The following MAP1A variants were observed in gnomAD, a reference collection of about 807,000 sequenced individuals.
MAP1A encodes the protein microtubule-associated protein 1A.
Under a neutral mutation model 185.9 loss-of-function variants are expected in MAP1A, and 42 were observed. That is an observed-to-expected ratio of 0.23 (90% confidence interval 0.18 to 0.29). The LOEUF (loss-of-function observed/expected upper bound fraction) is 0.29. Ranked by LOEUF, MAP1A falls within the 10% of genes least tolerant of loss-of-function variation. The pLI, the probability that MAP1A is intolerant of heterozygous loss-of-function variation, is 1.00. For missense variants in MAP1A, 2,995 were observed against 3,450.4 expected (o/e 0.87, Z 3.31); for synonymous variants, 1,229 against 1,335.9 (o/e 0.92, Z 1.74).
In MAP1A at chr15:43,528,592, C is replaced by T. The variant is rs1462268268; in HGVS notation, c.7119C>T (p.Ala2373=). ...TETSPNPPGP[A]PAKAENEEAA... ...CCAGCCCTAACCCCCCAGGCCCTGC[C>T]CCAGCCAAGGCTGAAAATGAAGAGG... Residue 2373 remains alanine, a synonymous_variant, in exon 4 of 6, where the codon GCC becomes GCT. Coordinates refer to ENST00000300231, the MANE Select transcript of MAP1A (RefSeq NM_002373.6). 1.2e-6 allele frequency: 2 copies of T among 1,614,032 alleles called. No homozygotes were observed. The highest frequency in any genetic ancestry group is 1.7e-5 in the Admixed American group (1 of 60,036).
chr15:43,512,323 G>C, intron 2 of MAP1A: 3 of 1,420,488 alleles, frequency 2.1e-6, no homozygotes, highest in Non-Finnish European at 2.9e-6. Flanking sequence ...CAGTCCTTTG[G>C]GTAAGAGCTG....
upstream of MAP1A, among the ~76,000 whole-genome samples, chr15:43,513,879 T>C (rs1309791185): frequency 6.6e-6 from 1 of 152,230 alleles, no homozygotes; most frequent in Non-Finnish European, 1.5e-5. Flanking sequence ...ATGAAATTAA[T>C]GACTGAACAG....
rs1180099692 is a variant in MAP1A at position 43,525,307 on chromosome 15, C to T, written c.3834C>T (p.Asp1278=). The T allele has an allele frequency of 6.2e-6, 10 of 1,614,078 alleles. No homozygotes were observed. Among genetic ancestry groups the T allele is most frequent in the Non-Finnish European group, 8.5e-6 (10 of 1,180,048 alleles). ...DGTTRYSAQT[D]ITDDSLDRKS... is the part of the protein sequence containing the mutation. ...CAACTCGATACTCTGCACAGACAGACATCACAGATGACAGCCTTGACAGGA... is the reference window on the plus strand; with the variant it reads ...CAACTCGATACTCTGCACAGACAGATATCACAGATGACAGCCTTGACAGGA... The change falls in exon 4 of 6, where the codon GAC becomes GAT. Residue 1278 remains aspartate (D), a synonymous_variant. Transcript: ENST00000300231.
chr15:43,511,290 C>A, intron 1 of MAP1A: 2 of 1,287,670 alleles, frequency 1.6e-6, no homozygotes, highest in South Asian at 1.3e-5. Flanking sequence ...CTTCTGCATT[C>A]AACTACCAAT....
rs201384118 is a variant in MAP1A, at chr15:43,524,434, A to C, written c.2961A>C (p.Pro987=). The part of the protein sequence containing the change: ...LGEAEERCLS[P]DDSTVKMASP... ...AAGCAGAGGAGCGGTGCCTTAGCCCAGATGACAGCACAGTGAAGATGGCTT... is the reference window on the plus strand; with the variant it reads ...AAGCAGAGGAGCGGTGCCTTAGCCCCGATGACAGCACAGTGAAGATGGCTT... The change falls in exon 4 of 6, where the codon CCA becomes CCC. Residue 987 remains proline, a synonymous_variant. Transcript: ENST00000300231. 11 of 1,614,092 alleles carry C rather than the reference A, an allele frequency of 6.8e-6. No individual in the cohort carries two copies. Among genetic ancestry groups the C allele is most frequent in the Non-Finnish European group, 9.3e-6 (11 of 1,180,038 alleles).
chr15:43,519,967 A>C (rs1046407823), intron 1 of MAP1A, among the ~76,000 whole-genome samples: 3 of 152,220 alleles, frequency 2.0e-5, no homozygotes, highest in African/African-American at 7.2e-5. Flanking sequence ...AGCAGGAACA[A>C]TATGATTGTG....
At position 43,528,816 on chromosome 15, in the gene MAP1A, T is replaced by C; in HGVS notation, c.7343T>C (p.Leu2448Pro). The change falls in exon 4 of 6, where the codon CTC (leucine) becomes CCC (proline). Residue 2448 changes from leucine (L) to proline (P), a missense_variant. Physicochemically the swap from Leu to Pro is moderately conservative, Grantham distance 98 (BLOSUM62 -3). Coordinates refer to ENST00000300231, the MANE Select transcript of MAP1A (RefSeq NM_002373.6). ...ATEPRPHRGE[L>P]SPSFLNPPLP... is the part of the protein sequence containing the mutation. Reference sequence around the variant, plus strand: ...GAGCCTCGGCCCCATCGTGGGGAGCTCTCCCCATCCTTCCTGAACCCACCT... The same window carrying C: ...GAGCCTCGGCCCCATCGTGGGGAGCCCTCCCCATCCTTCCTGAACCCACCT... The C allele has an allele frequency of 6.2e-7, 1 of 1,613,084 alleles. No individual in the cohort carries two copies. The highest frequency in any genetic ancestry group is 8.5e-7 in the Non-Finnish European group (1 of 1,179,848).
In MAP1A at chr15:43,527,838, C is replaced by G. The variant is rs758654861; in HGVS notation, c.6365C>G (p.Ala2122Gly). Residue 2122 changes from alanine to glycine, a missense_variant, in exon 4 of 6, where the codon GCC becomes GGC. Ala to Gly is a moderately conservative substitution (Grantham distance 60, BLOSUM62 0). Around this residue, in one of 3 missense-constraint regions of MAP1A, gnomAD observed 2,728 missense variants for 2,986.0 expected, o/e 0.91. Coordinates refer to ENST00000300231, the MANE Select transcript of MAP1A (RefSeq NM_002373.6). ...GCTCGGGAACAGCCAGAAAAAGAGG[C>G]CCAATCCCCAAGTCCTCCTCACCCC... is the stretch of plus-strand genomic sequence containing the variant. ...KGAREQPEKE[A>G]QSPSPPHPIP... The G allele has an allele frequency of 6.8e-5, 109 of 1,613,966 alleles. 1 individual carries two copies. In the South Asian group the frequency reaches 1.0e-3, roughly 15 times the overall value.
chr15:43,528,577 C>T lies in MAP1A; in HGVS notation c.7104C>T (p.Asn2368=), dbSNP rs561219457. 7 of 1,613,766 alleles carry T rather than the reference C, an allele frequency of 4.3e-6. No individual in the cohort carries two copies. The East Asian group carries it at 1.3e-4, about 31-fold the overall frequency. Residue 2368 remains asparagine, a synonymous_variant, in exon 4 of 6, where the codon AAC becomes AAT. Transcript: ENST00000300231. ...AANGPTETSP[N]PPGPAPAKAE... ...ATGGCCCAACTGAAACCAGCCCTAA[C>T]CCCCCAGGCCCTGCCCCAGCCAAGG...
Position 43,520,956 on chromosome 15 carries a change from C to A in MAP1A, c.-291-16C>A. 6.5e-7 allele frequency: 1 copy of A among 1,548,508 alleles called. No individual in the cohort carries two copies. The highest frequency in any genetic ancestry group is 1.2e-5 in the South Asian group (1 of 83,914). On this transcript the variant is annotated splice_polypyrimidine_tract_variant and intron_variant, in intron 2 of 5. Transcript: ENST00000300231. ...GATTTCCTATATCTGTGACCACTCCCCTTCTTCCATTCCAGGTTCATCATC... is the reference window on the plus strand; with the variant it reads ...GATTTCCTATATCTGTGACCACTCCACTTCTTCCATTCCAGGTTCATCATC...
chr15:43,526,453 G>A lies in MAP1A; in HGVS notation c.4980G>A (p.Pro1660=), dbSNP rs766073012. ...AAACATCTCCTACCAGAGAGGAGCCGGCTGGAGAACAGAAAGAGCTTGCCC... is the reference window on the plus strand; with the variant it reads ...AAACATCTCCTACCAGAGAGGAGCCAGCTGGAGAACAGAAAGAGCTTGCCC... ...WQETSPTREE[P]AGEQKELAPA... The change falls in exon 4 of 6, where the codon CCG becomes CCA. Residue 1660 remains proline, a synonymous_variant. Coordinates refer to ENST00000300231, the MANE Select transcript of MAP1A (RefSeq NM_002373.6). The surrounding 1 kb of genome is among the most constrained non-coding windows in gnomAD (Gnocchi z 4.7). 25 of 1,613,998 alleles carry A rather than the reference G, an allele frequency of 1.5e-5. No homozygotes were observed. Among genetic ancestry groups the A allele is most frequent in the East Asian group, 4.5e-5 (2 of 44,896 alleles).
Position 43,527,924 on chromosome 15 carries a change from G to T in MAP1A, c.6451G>T (p.Asp2151Tyr), listed in dbSNP as rs2079353028. The stretch of plus-strand genomic sequence containing the variant: ...TGAGGCACATGTTAGCCCTCCCTTG[G>T]ACTCACACCTGGGGCCTGCCCGACC... ...ETEAHVSPPL[D>Y]SHLGPARPSL... The change falls in exon 4 of 6, where the codon GAC becomes TAC. Residue 2151 changes from aspartate to tyrosine, a missense_variant. Around this residue, in one of 3 missense-constraint regions of MAP1A, gnomAD observed 2,728 missense variants for 2,986.0 expected, o/e 0.91. Transcript: ENST00000300231. 1 of 1,613,980 alleles carries T rather than the reference G, an allele frequency of 6.2e-7. No individual in the cohort carries two copies. Among genetic ancestry groups the T allele is most frequent in the Non-Finnish European group, 8.5e-7 (1 of 1,180,026 alleles).
In MAP1A at chr15:43,528,574, T is replaced by G. The variant is rs778073367; in HGVS notation, c.7101T>G (p.Pro2367=). Residue 2367 remains proline, a synonymous_variant, in exon 4 of 6, where the codon CCT becomes CCG. Transcript: ENST00000300231. The stretch of plus-strand genomic sequence containing the variant: ...CCAATGGCCCAACTGAAACCAGCCC[T>G]AACCCCCCAGGCCCTGCCCCAGCCA... ...CAANGPTETS[P]NPPGPAPAKA... is the part of the protein sequence containing the mutation. 3.1e-6 allele frequency: 5 copies of G among 1,613,792 alleles called. No individual in the cohort carries two copies. Among genetic ancestry groups the G allele is most frequent in the Admixed American group, 3.3e-5 (2 of 60,020 alleles).
chr15:43,530,473 T>C lies in MAP1A; in HGVS notation c.*249T>C, dbSNP rs2140212555. The C allele has an allele frequency of 1.9e-6, 1 of 513,810 alleles. No individual in the cohort carries two copies. The highest frequency in any genetic ancestry group is 3.5e-6 in the Non-Finnish European group (1 of 285,762). 31.8% of individuals were successfully genotyped at this position (513,810 alleles called of 1,614,324 possible). Reference sequence around the variant, plus strand: ...GGACAAATTAGAATAGGATAGCATCTGATGCCTGAGAACCCTCTCCTAGCA... The same window carrying C: ...GGACAAATTAGAATAGGATAGCATCCGATGCCTGAGAACCCTCTCCTAGCA... On this transcript the variant is annotated 3_prime_UTR_variant, in exon 6 of 6. Transcript: ENST00000300231.
rs1036407960 is a variant in MAP1A, at chr15:43,522,463, C to T, written c.990C>T (p.Ala330=). The T allele has an allele frequency of 8.1e-6, 13 of 1,613,838 alleles. No individual in the cohort carries two copies. Among genetic ancestry groups the T allele is most frequent in the Middle Eastern group, 1.6e-4 (1 of 6,084 alleles). ...KESLKATTKT[A]VSKLAKREEV... ...GCCTCAAAGCCACTACCAAGACGGCCGTGAGCAAGTTGGCCAAACGGGAGG... is the reference window on the plus strand; with the variant it reads ...GCCTCAAAGCCACTACCAAGACGGCTGTGAGCAAGTTGGCCAAACGGGAGG... Residue 330 remains alanine (A), a synonymous_variant, in exon 4 of 6, where the codon GCC becomes GCT. Transcript: ENST00000300231. This position sits in a 1 kb window ranked among gnomAD's most constrained non-coding sequence, Gnocchi z 5.9.
chr15:43,512,680 C>T (rs781254692), upstream of MAP1A, among the ~76,000 whole-genome samples: 1 of 152,216 alleles, frequency 6.6e-6, no homozygotes, highest in African/African-American at 2.4e-5. Flanking sequence ...CAGAATCCCC[C>T]ATTCATCTTC....
In MAP1A at chr15:43,530,287, T is replaced by A; in HGVS notation, c.*63T>A. The A allele has an allele frequency of 1.9e-6, 3 of 1,592,108 alleles. No individual in the cohort carries two copies. Among genetic ancestry groups the A allele is most frequent in the Non-Finnish European group, 2.6e-6 (3 of 1,167,856 alleles). ...AGCTCCTTTAGAGAATGGCTACTGC[T>A]GAGTCCTTTGGGGTTGAGGGAGATG... On this transcript the variant is annotated 3_prime_UTR_variant, in exon 6 of 6. Coordinates refer to ENST00000300231, the MANE Select transcript of MAP1A (RefSeq NM_002373.6).
rs766014222 is a variant in MAP1A, at chr15:43,524,482, C to G, written c.3009C>G (p.Pro1003=). 6 of 1,614,166 alleles carry G rather than the reference C, an allele frequency of 3.7e-6. No individual in the cohort carries two copies. The Admixed American group carries it at 1.0e-4, about 27-fold the overall frequency. The change falls in exon 4 of 6, where the codon CCC becomes CCG. Residue 1003 remains proline (P), a synonymous_variant. Coordinates refer to ENST00000300231, the MANE Select transcript of MAP1A (RefSeq NM_002373.6). ...KMASPPPSGP[P]SATHTPFHQS... ...CTTCTCCTCCACCATCTGGCCCACC[C>G]AGTGCCACCCACACACCCTTTCATC...
Position 43,522,838 on chromosome 15 carries a change from G to C in MAP1A, c.1365G>C (p.Glu455Asp). 6.3e-7 allele frequency: 1 copy of C among 1,599,174 alleles called. No homozygotes were observed. The highest frequency in any genetic ancestry group is 8.5e-7 in the Non-Finnish European group (1 of 1,171,866). Residue 455 changes from glutamate (E) to aspartate (D), a missense_variant, in exon 4 of 6, where the codon GAG (glutamate) becomes GAC (aspartate). Physicochemically the swap from Glu to Asp is conservative, Grantham distance 45. Coordinates refer to ENST00000300231, the MANE Select transcript of MAP1A (RefSeq NM_002373.6). The surrounding 1 kb of genome is among the most constrained non-coding windows in gnomAD (Gnocchi z 5.9). ...AGAAGAGGAAAGATACCAAACCTGA[G>C]CTCAAGAAGATTTCCAAGCCAGACC... is the stretch of plus-strand genomic sequence containing the variant. Reference protein sequence around the residue: ...KEEKRKDTKPELKKISKPDLK... With the variant: ...KEEKRKDTKPDLKKISKPDLK...
Sources: allele counts gnomAD v4.1 joint callset (sites outside exome capture counted in the v4.1 genomes callset), GRCh38; gene constraint gnomAD v4.1.1; regional missense constraint gnomAD v4.1.1; non-coding constraint Gnocchi (gnomAD v3.1); transcripts MANE v1.5; gene names NCBI Gene and HGNC (gene_info 2026-07-23, HGNC 2026-07-21).